SHCBP1L: variants seen among roughly 807,000 people sequenced by gnomAD.
SHCBP1L encodes testicular spindle-associated protein SHCBP1L.
A neutral mutation model predicts 62.5 loss-of-function variants in SHCBP1L; 67 were observed. That is an observed-to-expected ratio of 1.07 (90% CI 0.88 to 1.31). SHCBP1L has a LOEUF of 1.31. Among genes scored for constraint, SHCBP1L ranks in the 40% most tolerant of loss-of-function variants. SHCBP1L has a pLI of 0.00. For missense variants in SHCBP1L, 823 were observed against 809.8 expected, an observed-to-expected ratio of 1.02 and a Z score of -0.20; for synonymous variants, 284 against 289.4, an observed-to-expected ratio of 0.98 and a Z score of 0.19.
chr1:182,918,577 C>T (rs1341416988), intron 6 of SHCBP1L, among the ~76,000 whole-genome samples: 1 of 152,078 alleles, frequency 6.6e-6, no homozygotes, highest in Non-Finnish European at 1.5e-5. Flanking sequence ...AATAGCAATA[C>T]TACTTACATT....
chr1:182,911,926 A>G (rs1403691538), intron 6 of SHCBP1L, among the ~76,000 whole-genome samples: 6 of 152,104 alleles, frequency 3.9e-5, no homozygotes, highest in Non-Finnish European at 5.9e-5. Flanking sequence ...AAAGAGAGAA[A>G]AGGGTGTGCT....
At chr1:182,923,587 C>T (rs775049982) in intron 6 of SHCBP1L, among the ~76,000 whole-genome samples, 2 of 152,030 alleles carry the variant, frequency 1.3e-5, no homozygotes, top group South Asian at 2.1e-4. Flanking sequence ...GTTCAACATA[C>T]AAAAATCAAT....
At chr1:182,907,874 C>T (rs1405242895) in intron 6 of SHCBP1L, among the ~76,000 whole-genome samples, 1 of 152,168 alleles carries the variant, frequency 6.6e-6, no homozygotes, top group Non-Finnish European at 1.5e-5. Context: ...CCACTGCACC[C>T]AGCCTTTTTT....
At chr1:182,920,580 C>A (rs1309341559) in intron 6 of SHCBP1L, among the ~76,000 whole-genome samples, 2 of 152,134 alleles carry the variant, frequency 1.3e-5, no homozygotes, top group Non-Finnish European at 2.9e-5. Context: ...GCTGAAATGA[C>A]AGACAGAATA....
chr1:182,911,330 A>T (rs1650179023), intron 6 of SHCBP1L, among the ~76,000 whole-genome samples: 1 of 152,220 alleles, frequency 6.6e-6, no homozygotes, highest in African/African-American at 2.4e-5. Context: ...AAAGTCATTA[A>T]ACAAACATAC....
intron 2 of SHCBP1L, 54 bp downstream of exon 2, chr1:182,951,262 TTA>T: frequency 7.6e-7 from 1 of 1,316,900 alleles, no homozygotes; most frequent in Admixed American, 2.5e-5. Flanking sequence ...AAGTCATATT[TTA>T]GTCTTTAAAA....
rs191906804 is a variant in SHCBP1L, at chr1:182,935,905, G to A, written c.1076+3271C>T. On this transcript the variant is annotated intron_variant, in intron 5 of 9. Coordinates refer to ENST00000367547, the MANE Select transcript of SHCBP1L (RefSeq NM_030933.4). ...GAACATATCTGAACCTTTATAAAGT[G>A]GGTTTCTTACAGATCACATATAGTT... Among the ~76,000 whole-genome samples, 271 of 152,122 alleles carry A rather than the reference G, an allele frequency of 1.8e-3. 1 individual carries two copies. The highest frequency in any genetic ancestry group is 6.3e-3 in the African/African-American group (262 of 41,506).
At chr1:182,924,963 A>AAAGAAAGAAAG in intron 6 of SHCBP1L, among the ~76,000 whole-genome samples, 1 of 135,980 alleles carries the variant, frequency 7.4e-6, no homozygotes, top group Non-Finnish European at 1.6e-5. Flanking sequence ...AGAAAGAAAG[A>AAAGAAAGAAAG]AAGAAAGAAA....
intron 9 of SHCBP1L, among the ~76,000 whole-genome samples, chr1:182,900,961 T>C (rs1037315372): frequency 6.6e-6 from 1 of 152,232 alleles, no homozygotes; most frequent in African/African-American, 2.4e-5. Flanking sequence ...ACTAATTCTG[T>C]ATGGCAATAC....
At chr1:182,908,953 A>G (rs1650097689) in intron 6 of SHCBP1L, among the ~76,000 whole-genome samples, 3 of 152,304 alleles carry the variant, frequency 2.0e-5, no homozygotes. Context: ...ATTTCCATTT[A>G]TTTGATAAGT....
At chr1:182,900,337 A>G in intron 9 of SHCBP1L, 103 bp from the exon 10 acceptor site, 4 of 1,009,650 alleles carry the variant, frequency 4.0e-6, no homozygotes, top group Non-Finnish European at 4.1e-6. Flanking sequence ...GGATTAACAG[A>G]TTTTTTAAAA....
intron 8 of SHCBP1L, 55 bp downstream of exon 8, chr1:182,904,125 C>G: frequency 1.3e-6 from 2 of 1,571,702 alleles, no homozygotes; most frequent in Non-Finnish European, 1.7e-6. Flanking sequence ...ATTAAGATCA[C>G]TCAAAGCTGT....
At chr1:182,943,727 C>T (rs972759644) in intron 2 of SHCBP1L, among the ~76,000 whole-genome samples, 6 of 150,600 alleles carry the variant, frequency 4.0e-5, no homozygotes, top group Non-Finnish European at 7.4e-5. Flanking sequence ...GGATTACAGG[C>T]GTGAGCCACT....
intron 6 of SHCBP1L, among the ~76,000 whole-genome samples, chr1:182,924,776 GAAA>G (rs1557996814): frequency 5.6e-5 from 5 of 89,710 alleles, no homozygotes; most frequent in East Asian, 6.6e-4. Flanking sequence ...AAGAAAGAAA[GAAA>G]GAAAGAAAGA....
Position 182,930,551 on chromosome 1 carries a change from G to GTGTGTA in SHCBP1L, c.1077-800_1077-799insTACACA, listed in dbSNP as rs1399656724. On this transcript the variant is annotated intron_variant, in intron 5 of 9. Transcript: ENST00000367547. ...AAGAGGATGTGGCTTTAGTGTGTGTGTATATATATATATATATATATATAT... is the reference window on the plus strand; with the variant it reads ...AAGAGGATGTGGCTTTAGTGTGTGTGTGTGTATATATATATATATATATATATATAT... Among the ~76,000 whole-genome samples, 7 of 49,470 alleles carry GTGTGTA rather than the reference G, an allele frequency of 1.4e-4. No individual in the cohort carries two copies. The South Asian group carries it at 4.6e-3, about 33-fold the overall frequency. The allele number at this position is 49,470 out of a possible 152,430, so 32.5% of individuals were successfully genotyped here. A position where few individuals can be genotyped will look rare whatever the true frequency, so the allele number is the denominator to read the frequency against.
At chr1:182,910,305 C>T (rs577127178) in intron 6 of SHCBP1L, among the ~76,000 whole-genome samples, 73 of 152,338 alleles carry the variant, frequency 4.8e-4, no homozygotes, top group African/African-American at 1.7e-3. Flanking sequence ...TACCATCCCC[C>T]AATCCCCTGC....
In SHCBP1L at chr1:182,943,004, G is replaced by A. The variant is rs144893617; in HGVS notation, c.556-2461C>T. On this transcript the variant is annotated intron_variant, in intron 2 of 9. Coordinates refer to ENST00000367547, the MANE Select transcript of SHCBP1L (RefSeq NM_030933.4). ...AAAATAGAATAACAACTTAAAACTG[G>A]GTGTTTGAAGATAATAAATGATCTG... is the stretch of plus-strand genomic sequence containing the variant. Among the ~76,000 whole-genome samples the A allele has an allele frequency of 1.2e-4, 19 of 152,186 alleles. No homozygotes were observed. In the East Asian group the frequency reaches 2.9e-3, roughly 23 times the overall value.
chr1:182,930,944 T>A (rs1252416099), intron 5 of SHCBP1L, among the ~76,000 whole-genome samples: 1 of 148,652 alleles, frequency 6.7e-6, no homozygotes, highest in African/African-American at 2.5e-5. Context: ...CAAGCTGGTC[T>A]TGAACTCCTG....
Position 182,953,118 on chromosome 1 carries a change from T to C in SHCBP1L, c.16A>G (p.Lys6Glu), listed in dbSNP as rs1651856063. ...AATGAGTCCGCGGGCACCGAGGCCT[T>C]GGAGCCCGACGCCATCTCCTCAGCA... The part of the protein sequence containing the change: MASGS[K>E]ASVPADSFRT... Residue 6 changes from lysine (K) to glutamate (E), a missense_variant, in exon 1 of 10, where the codon AAG (lysine) becomes GAG (glutamate). Transcript: ENST00000367547. 1 of 1,579,172 alleles carries C rather than the reference T, an allele frequency of 6.3e-7. No individual in the cohort carries two copies. Among genetic ancestry groups the C allele is most frequent in the South Asian group, 1.1e-5 (1 of 87,866 alleles).
Sources: gnomAD v4.1 joint callset for allele counts (sites outside exome capture counted in the v4.1 genomes callset) on GRCh38, gnomAD v4.1.1 for gene constraint, MANE v1.5 for transcripts, NCBI Gene and HGNC (gene_info 2026-07-23, HGNC 2026-07-21) for gene names.